Variants in ACOT7 observed in about 807,000 individuals in gnomAD.
The protein encoded by ACOT7 is cytosolic acyl coenzyme A thioester hydrolase.
A neutral mutation model predicts 40.2 loss-of-function variants in ACOT7; 12 were observed. The observed-to-expected ratio is 0.30, with a 90% confidence interval of 0.19 to 0.48. The LOEUF is 0.48. Among genes scored for constraint, ACOT7 ranks in the 20% least tolerant of loss-of-function variants. The probability of loss-of-function intolerance (pLI) is 0.99; values close to 1 mark genes in which losing one functional copy is unlikely to be tolerated. For missense variants in ACOT7, 395 were observed against 530.8 expected, an observed-to-expected ratio of 0.74 and a Z score of 2.51; for synonymous variants, 228 against 219.5, an observed-to-expected ratio of 1.04 and a Z score of -0.34.
At chr1:6,339,880 C>G (rs977320697) in intron 2 of ACOT7, among the ~76,000 whole-genome samples, 3 of 150,632 alleles carry the variant, frequency 2.0e-5, no homozygotes, top group African/African-American at 7.4e-5. Context: ...GCTAGGACTA[C>G]AGGCGCCCGC....
intron 6 of ACOT7, among the ~76,000 whole-genome samples, chr1:6,315,992 T>C (rs1445444092): frequency 6.6e-6 from 1 of 152,156 alleles, no homozygotes; most frequent in Non-Finnish European, 1.5e-5. Flanking sequence ...ACTCCTGGCA[T>C]CTCACTGATG....
chr1:6,296,516 C>G (rs1461932212), intron 6 of ACOT7, among the ~76,000 whole-genome samples: 1 of 152,164 alleles, frequency 6.6e-6, no homozygotes, highest in Non-Finnish European at 1.5e-5. Context: ...CTCTGCCTCC[C>G]AGGTTCAAGC....
At chr1:6,283,134 C>T (rs557647280) in intron 7 of ACOT7, among the ~76,000 whole-genome samples, 1 of 152,334 alleles carries the variant, frequency 6.6e-6, no homozygotes, top group South Asian at 2.1e-4. Context: ...GGTCTTTGAA[C>T]ACTGGCTCTT....
In ACOT7 at chr1:6,306,347, CT is replaced by C; in HGVS notation, c.713-11368del. ...GACGTGCTGGCCACCAGGGACCCGG[CT>C]GAGAGGAGGACCCAGTGTGGGCAGG... On this transcript the variant is annotated intron_variant, in intron 6 of 8. Transcript: ENST00000361521. The surrounding 1 kb of genome is among the most constrained non-coding windows in gnomAD (Gnocchi z 4.3). 1 of 985,352 alleles carries C rather than the reference CT, an allele frequency of 1.0e-6. No individual in the cohort carries two copies. The highest frequency in any genetic ancestry group is 4.7e-5 in the South Asian group (1 of 21,276). 61.0% of individuals were successfully genotyped at this position (985,352 alleles called of 1,614,324 possible).
At chr1:6,326,146 C>G (rs1404339199) in intron 5 of ACOT7, among the ~76,000 whole-genome samples, 1 of 152,210 alleles carries the variant, frequency 6.6e-6, no homozygotes. Flanking sequence ...GCCACGAGCC[C>G]AGGCCATCGC....
intron 6 of ACOT7, among the ~76,000 whole-genome samples, chr1:6,303,503 G>A (rs551826652): frequency 3.3e-5 from 5 of 152,264 alleles, no homozygotes; most frequent in Admixed American, 2.6e-4. Flanking sequence ...GGCCTTGCTC[G>A]TGACTGGGTC....
At chr1:6,319,726 T>C (rs2148422578) in intron 5 of ACOT7, among the ~76,000 whole-genome samples, 1 of 152,352 alleles carries the variant, frequency 6.6e-6, no homozygotes, top group South Asian at 2.1e-4. Context: ...AAAACAGTGT[T>C]CACTTCCAAG....
At chr1:6,343,763 G>A (rs1039378139) in intron 2 of ACOT7, among the ~76,000 whole-genome samples, 8 of 152,260 alleles carry the variant, frequency 5.3e-5, no homozygotes, top group African/African-American at 2.4e-5. Flanking sequence ...GTTGTTTGAG[G>A]GTGATTAAGT....
At chr1:6,293,140 C>T (rs542097856) in intron 7 of ACOT7, among the ~76,000 whole-genome samples, 32 of 152,260 alleles carry the variant, frequency 2.1e-4, no homozygotes, top group Admixed American at 3.9e-4. Context: ...CCGCCCGCCT[C>T]GGCCTCCCAA....
intron 4 of ACOT7, among the ~76,000 whole-genome samples, chr1:6,329,707 G>A (rs1048263040): frequency 2.6e-5 from 4 of 151,964 alleles, no homozygotes; most frequent in Non-Finnish European, 5.9e-5. Context: ...TCTCACCCCC[G>A]AGAGCTCATC....
In ACOT7 at chr1:6,275,696, G is replaced by A. The variant is rs373715124; in HGVS notation, c.1014+5406C>T. ...CCAGCCATTGCACTCCAGGTTGGGC[G>A]ACAGAGTGAGGCTCCGTCTCAAAAA... On this transcript the variant is annotated intron_variant, in intron 8 of 8. Transcript: ENST00000361521. This position sits in a 1 kb window ranked among gnomAD's most constrained non-coding sequence, Gnocchi z 5.6. Among the ~76,000 whole-genome samples, 519 of 134,340 alleles carry A rather than the reference G, an allele frequency of 3.9e-3. No individual in the cohort carries two copies. The highest frequency in any genetic ancestry group is 5.8e-3 in the Non-Finnish European group (378 of 65,270). The allele number at this position is 134,340 out of a possible 152,430, so 88.1% of individuals were successfully genotyped here.
In ACOT7 at chr1:6,338,535, G is replaced by A. The variant is rs1641172929; in HGVS notation, c.418+898C>T. ...GCTCAGCTCCATCTGCCCACCTGCC[G>A]GAGCTGGGCTGACACAGCCATTCTA... On this transcript the variant is annotated intron_variant, in intron 3 of 8. Coordinates refer to ENST00000361521, the MANE Select transcript of ACOT7 (RefSeq NM_007274.4). The surrounding 1 kb of genome is among the most constrained non-coding windows in gnomAD (Gnocchi z 4.4). Among the ~76,000 whole-genome samples the A allele has an allele frequency of 2.6e-5, 4 of 152,298 alleles. No homozygotes were observed. Among genetic ancestry groups the A allele is most frequent in the South Asian group, 4.1e-4 (2 of 4,820 alleles).
chr1:6,297,825 G>A (rs1639853926), intron 6 of ACOT7, among the ~76,000 whole-genome samples: 1 of 152,170 alleles, frequency 6.6e-6, no homozygotes, highest in South Asian at 2.1e-4. Flanking sequence ...GGAACGGGCA[G>A]GTGTTGCCCA....
intron 5 of ACOT7, among the ~76,000 whole-genome samples, chr1:6,323,982 C>T (rs911097958): frequency 6.6e-6 from 1 of 151,868 alleles, no homozygotes; most frequent in African/African-American, 2.4e-5. Context: ...ACGGAGGGTC[C>T]TCCCACGGGA....
At chr1:6,277,944 G>C (rs1639243747) in intron 8 of ACOT7, among the ~76,000 whole-genome samples, 1 of 152,210 alleles carries the variant, frequency 6.6e-6, no homozygotes, top group Non-Finnish European at 1.5e-5. Flanking sequence ...CCACCGTACA[G>C]ATGAGGAAAC....
At chr1:6,344,730 C>G (rs2148450227) in intron 2 of ACOT7, among the ~76,000 whole-genome samples, 1 of 145,052 alleles carries the variant, frequency 6.9e-6, no homozygotes, top group East Asian at 2.0e-4. Flanking sequence ...CACCATTGCA[C>G]CCCAGCCTGG....
intron 1 of ACOT7, among the ~76,000 whole-genome samples, chr1:6,365,625 C>G (rs937026276): frequency 4.0e-5 from 6 of 151,464 alleles, no homozygotes; most frequent in Admixed American, 1.3e-4. Context: ...AAAATTAGCC[C>G]GGCATGGTAG....
At position 6,375,134 on chromosome 1, in the gene ACOT7, G is replaced by A. The variant is rs147329472; in HGVS notation, c.143+18123C>T. 2.5e-3 allele frequency among the ~76,000 whole-genome samples: 385 copies of A among 151,678 alleles called. 2 individuals carry two copies. The highest frequency in any genetic ancestry group is 8.9e-3 in the African/African-American group (367 of 41,260). ...CTACTAAAAATACAAAAAATTAGCC[G>A]GGCGTGGTGGCGGGCGCCTGTAGGA... On this transcript the variant is annotated intron_variant, in intron 1 of 8. Transcript: ENST00000361521.
rs1639270659 is a variant in ACOT7, at chr1:6,278,685, TG to T, written c.1014+2416del. On this transcript the variant is annotated intron_variant, in intron 8 of 8. Coordinates refer to ENST00000361521, the MANE Select transcript of ACOT7 (RefSeq NM_007274.4). This position sits in a 1 kb window ranked among gnomAD's most constrained non-coding sequence, Gnocchi z 4.1. Reference sequence around the variant, plus strand: ...CAGGCGATGCTCGAGGCACAGACCATGGATCTGACCACCCCAGGAGAGAAGG... The same window carrying T: ...CAGGCGATGCTCGAGGCACAGACCATGATCTGACCACCCCAGGAGAGAAGG... Among the ~76,000 whole-genome samples the T allele has an allele frequency of 6.6e-6, 1 of 152,150 alleles. No individual in the cohort carries two copies. The highest frequency in any genetic ancestry group is 1.5e-5 in the Non-Finnish European group (1 of 68,028).
Sources: gnomAD v4.1 joint callset for allele counts (sites outside exome capture counted in the v4.1 genomes callset) on GRCh38, gnomAD v4.1.1 for gene constraint, Gnocchi (gnomAD v3.1) non-coding constraint, MANE v1.5 for transcripts, NCBI Gene and HGNC (gene_info 2026-07-23, HGNC 2026-07-21) for gene names.